The following OSBPL5 variants were observed in gnomAD, a reference collection of about 807,000 sequenced individuals.
OSBPL5 encodes the protein oxysterol-binding protein-related protein 5.
A neutral mutation model predicts 111.2 loss-of-function variants in OSBPL5; 71 were observed. The ratio of observed to expected loss-of-function variants is 0.64; its 90% CI spans 0.53 to 0.78. OSBPL5 has a LOEUF of 0.78. OSBPL5 is among the 30% of genes least tolerant of loss of function. OSBPL5 has a pLI of 0.00. For missense variants in OSBPL5, 1,210 were observed against 1,189.3 expected, an observed-to-expected ratio of 1.02 and a Z score of -0.26; for synonymous variants, 549 against 513.9, an observed-to-expected ratio of 1.07 and a Z score of -0.93.
chr11:3,119,516 T>G, intron 7 of OSBPL5, 31 bp downstream of exon 7: 1 of 1,556,810 alleles, frequency 6.4e-7, no homozygotes, highest in African/African-American at 1.4e-5. Context: ...GTGGGGGCAC[T>G]GGGGAGATGC....
chr11:3,151,704 G>A (rs767249719), intron 1 of OSBPL5, among the ~76,000 whole-genome samples: 2 of 152,222 alleles, frequency 1.3e-5, no homozygotes, highest in Non-Finnish European at 2.9e-5. Flanking sequence ...AAAGAAAACC[G>A]GTGACTCCTC....
intron 13 of OSBPL5, 134 bp downstream of exon 13, chr11:3,101,469 G>T: frequency 1.2e-6 from 1 of 808,648 alleles, no homozygotes. Flanking sequence ...ACCACCACAT[G>T]GTCTCTGACT....
Position 3,105,544 on chromosome 11 carries a change from A to C in OSBPL5, c.1060-1167T>G, listed in dbSNP as rs1590655166. Among the ~76,000 whole-genome samples the C allele has an allele frequency of 1.3e-5, 2 of 151,730 alleles. No individual in the cohort carries two copies. The highest frequency in any genetic ancestry group is 2.9e-5 in the Non-Finnish European group (2 of 67,902). ...CGTCCCGTCCTCCTTAACCCTCTCCACCAGGCTTCTGCCGTCTTCTCTACT... is the reference window on the plus strand; with the variant it reads ...CGTCCCGTCCTCCTTAACCCTCTCCCCCAGGCTTCTGCCGTCTTCTCTACT... On this transcript the variant is annotated intron_variant, in intron 9 of 21. Transcript: ENST00000263650. The surrounding 1 kb of genome is among the most constrained non-coding windows in gnomAD (Gnocchi z 5.2).
chr11:3,101,962 ACTGT>A (rs1255282463), intron 12 of OSBPL5, among the ~76,000 whole-genome samples: 2 of 152,156 alleles, frequency 1.3e-5, no homozygotes, highest in East Asian at 3.9e-4. Flanking sequence ...CTAGGGAGAC[ACTGT>A]CTGCTGTCAC....
At position 3,140,445 on chromosome 11, in the gene OSBPL5, G is replaced by A. The variant is rs903071017; in HGVS notation, c.-21-11276C>T. Among the ~76,000 whole-genome samples the A allele has an allele frequency of 6.6e-6, 1 of 152,150 alleles. No individual in the cohort carries two copies. Among genetic ancestry groups the A allele is most frequent in the African/African-American group, 2.4e-5 (1 of 41,420 alleles). ...GCCAGCACAGCGTGTCCTCCTGAGA[G>A]GCCTGTGTGGACACTCAGGGGTCCC... On this transcript the variant is annotated intron_variant, in intron 1 of 21. Transcript: ENST00000263650. The surrounding 1 kb of genome is among the most constrained non-coding windows in gnomAD (Gnocchi z 4.5).
At position 3,140,953 on chromosome 11, in the gene OSBPL5, T is replaced by C. The variant is rs10833333; in HGVS notation, c.-21-11784A>G. ...CACCTCAGAGCCACTCCTTCCCCGA[T>C]GCCATCTGTCAAGGGTCAGGGGTCA... is the stretch of plus-strand genomic sequence containing the variant. On this transcript the variant is annotated intron_variant, in intron 1 of 21. Coordinates refer to ENST00000263650, the MANE Select transcript of OSBPL5 (RefSeq NM_020896.4). The surrounding 1 kb of genome is among the most constrained non-coding windows in gnomAD (Gnocchi z 4.5). Among the ~76,000 whole-genome samples, 76,313 of 151,810 alleles carry C rather than the reference T, an allele frequency of 0.5. 20,951 individuals are homozygous for C. Among genetic ancestry groups the C allele is most frequent in the Non-Finnish European group, 0.62 (42,379 of 67,882 alleles).
rs770270209 is a variant in OSBPL5 at position 3,129,037 on chromosome 11, T to C, written c.112A>G (p.Asn38Asp). Residue 38 changes from asparagine (N) to aspartate (D), a missense_variant, in exon 2 of 22, where the codon AAT (asparagine) becomes GAT (aspartate). Physicochemically the swap from Asn to Asp is conservative, Grantham distance 23 (BLOSUM62 1). Coordinates refer to ENST00000263650, the MANE Select transcript of OSBPL5 (RefSeq NM_020896.4). ...CCTGGGCTGAGTGGGTAGAGCTCAT[T>C]GTCTCCGCTGAGGAGCAAGTTCCGG... ...LTRNLLLSGD[N>D]ELYPLSPGKD... The C allele has an allele frequency of 1.4e-5, 22 of 1,587,188 alleles. No individual in the cohort carries two copies. Among genetic ancestry groups the C allele is most frequent in the Non-Finnish European group, 1.8e-5 (21 of 1,167,652 alleles).
intron 1 of OSBPL5, among the ~76,000 whole-genome samples, chr11:3,159,541 T>C (rs17264390): frequency 0.18 from 27,074 of 152,226 alleles, 3,251 homozygotes; most frequent in Non-Finnish European, 0.27. Flanking sequence ...GGCCAACTGC[T>C]TCCCATGGAC....
In OSBPL5 at chr11:3,089,866, C is replaced by A; in HGVS notation, c.2481G>T (p.Glu827Asp). 6.4e-7 allele frequency: 1 copy of A among 1,563,472 alleles called. No homozygotes were observed. ...CCCACCTGTGCAGCTCCTGCTGGGC[C>A]TCTCGGATGGAGAGGATGGCCTCGT... The part of the protein sequence containing the change: ...ALHEAILSIR[E>D]AQQELHRHLS... Residue 827 changes from glutamate (E) to aspartate (D), a missense_variant, in exon 21 of 22, where the codon GAG becomes GAT. Coordinates refer to ENST00000263650, the MANE Select transcript of OSBPL5 (RefSeq NM_020896.4).
intron 1 of OSBPL5, among the ~76,000 whole-genome samples, chr11:3,131,636 C>T (rs1344069589): frequency 2.0e-5 from 3 of 147,566 alleles, no homozygotes; most frequent in Non-Finnish European, 3.0e-5. Context: ...TTCATCCACC[C>T]GTCTATTCAT....
intron 1 of OSBPL5, among the ~76,000 whole-genome samples, chr11:3,150,861 CT>C (rs1374020578): frequency 6.6e-6 from 1 of 152,204 alleles, no homozygotes; most frequent in East Asian, 1.9e-4. Context: ...AATGCCACCC[CT>C]GGTCTTTCTA....
chr11:3,121,834 A>G lies in OSBPL5; in HGVS notation c.402+163T>C, dbSNP rs923454986. ...TATAAAAAGGGGGAGAGACAGGTGG[A>G]TAAGGAAAGGCCTCATGAGGAAGGA... On this transcript the variant is annotated intron_variant, in intron 5 of 21. Transcript: ENST00000263650. The surrounding 1 kb of genome is among the most constrained non-coding windows in gnomAD (Gnocchi z 4.3). The G allele has an allele frequency of 1.6e-6, 1 of 638,544 alleles. No individual in the cohort carries two copies. The highest frequency in any genetic ancestry group is 2.7e-6 in the Non-Finnish European group (1 of 366,414). 39.6% of individuals were successfully genotyped at this position (638,544 alleles called of 1,614,324 possible).
At chr11:3,128,896 C>T in intron 2 of OSBPL5, 117 bp downstream of exon 2, 26 of 985,678 alleles carry the variant, frequency 2.6e-5, no homozygotes, top group Non-Finnish European at 3.5e-5. Context: ...GAAACCCACA[C>T]AGTCCCCAGC....
rs562384579 is a variant in OSBPL5, at chr11:3,140,333, C to G, written c.-21-11164G>C. 2.0e-5 allele frequency among the ~76,000 whole-genome samples: 3 copies of G among 152,166 alleles called. No homozygotes were observed. The highest frequency in any genetic ancestry group is 4.4e-5 in the Non-Finnish European group (3 of 68,014). Reference sequence around the variant, plus strand: ...AGTGACACACACAGCCAAGCTCTCCCCTGTATCCCTCAGGTGCTGGACAGG... The same window carrying G: ...AGTGACACACACAGCCAAGCTCTCCGCTGTATCCCTCAGGTGCTGGACAGG... On this transcript the variant is annotated intron_variant, in intron 1 of 21. Coordinates refer to ENST00000263650, the MANE Select transcript of OSBPL5 (RefSeq NM_020896.4). This position sits in a 1 kb window ranked among gnomAD's most constrained non-coding sequence, Gnocchi z 4.5.
intron 10 of OSBPL5, among the ~76,000 whole-genome samples, chr11:3,103,859 C>CGCAGCCCCCTTCCAGCCTCT (rs1857591618): frequency 4.9e-5 from 2 of 40,590 alleles, no homozygotes; most frequent in African/African-American, 1.3e-4. Context: ...TTCCAGTCTG[C>CGCAGCCCCCTTCCAGCCTCT]GCAGCCCCCT....
chr11:3,135,701 C>A (rs1408446256), intron 1 of OSBPL5, among the ~76,000 whole-genome samples: 1 of 152,226 alleles, frequency 6.6e-6, no homozygotes, highest in African/African-American at 2.4e-5. Flanking sequence ...GCTAAGACAC[C>A]GCCCCGTGGT....
At chr11:3,131,927 GTCCA>G (rs532838844) in intron 1 of OSBPL5, among the ~76,000 whole-genome samples, 2,989 of 23,296 alleles carry the variant, frequency 0.13, 260 homozygotes, top group Middle Eastern at 0.38. Context: ...CCATCCTCCT[GTCCA>G]TCCATCCATC....
chr11:3,154,632 A>G lies in OSBPL5; in HGVS notation c.-22+10584T>C, dbSNP rs1201688680. Among the ~76,000 whole-genome samples, 2 of 152,120 alleles carry G rather than the reference A, an allele frequency of 1.3e-5. No homozygotes were observed. The highest frequency in any genetic ancestry group is 2.9e-5 in the Non-Finnish European group (2 of 68,016). On this transcript the variant is annotated intron_variant, in intron 1 of 21. Transcript: ENST00000263650. The surrounding 1 kb of genome is among the most constrained non-coding windows in gnomAD (Gnocchi z 4.9). ...GGGCCCTCACAGGGGATAAAAACAG[A>G]ACCCACTGACGAGACGCCTGGCAGT...
chr11:3,100,035 A>G, intron 14 of OSBPL5, 123 bp downstream of exon 14: 1 of 815,164 alleles, frequency 1.2e-6, no homozygotes, highest in Admixed American at 2.9e-5. Context: ...AAAAAAAAAA[A>G]AAGTCATGGG....
Sources: allele counts gnomAD v4.1 joint callset (sites outside exome capture counted in the v4.1 genomes callset), GRCh38; gene constraint gnomAD v4.1.1; non-coding constraint Gnocchi (gnomAD v3.1); transcripts MANE v1.5; gene names NCBI Gene and HGNC (gene_info 2026-07-23, HGNC 2026-07-21).